Variants in SLX4IP observed in about 807,000 individuals in gnomAD.
SLX4IP encodes SLX4 interacting protein, also known as protein SLX4IP.
In SLX4IP, 34 loss-of-function variants were observed where a neutral mutation model predicts 32.9. The ratio of observed to expected loss-of-function variants is 1.03; its 90% CI spans 0.79 to 1.38. The LOEUF is 1.38. Among genes scored for constraint, SLX4IP ranks in the 40% most tolerant of loss-of-function variants. The probability of loss-of-function intolerance (pLI) is 0.00; values close to 1 mark genes in which losing one functional copy is unlikely to be tolerated. For synonymous variants in SLX4IP, 172 were observed against 171.7 expected, an observed-to-expected ratio of 1.00 and a Z score of -0.01; for missense variants, 444 against 479.0, an observed-to-expected ratio of 0.93 and a Z score of 0.68.
At chr20:10,619,777 G>A (rs532522916) in intron 6 of SLX4IP, among the ~76,000 whole-genome samples, 2 of 152,150 alleles carry the variant, frequency 1.3e-5, no homozygotes, top group Admixed American at 6.5e-5. Context: ...CATAAATCTC[G>A]ATTCCTCTCG....
intron 6 of SLX4IP, among the ~76,000 whole-genome samples, chr20:10,610,724 A>G (rs866050375): frequency 6.6e-6 from 1 of 152,232 alleles, no homozygotes; most frequent in Admixed American, 6.5e-5. Context: ...ATGCGATGCC[A>G]CTTTTCATTT....
chr20:10,531,049 G>A (rs755475405), intron 2 of SLX4IP, among the ~76,000 whole-genome samples: 2 of 152,186 alleles, frequency 1.3e-5, no homozygotes, highest in Non-Finnish European at 2.9e-5. Flanking sequence ...ACTGCACATG[G>A]ATAGTCCACT....
At chr20:10,534,520 C>T (rs764986518) in intron 2 of SLX4IP, among the ~76,000 whole-genome samples, 2 of 152,102 alleles carry the variant, frequency 1.3e-5, no homozygotes, top group African/African-American at 4.8e-5. Context: ...AGAAGGTTTC[C>T]GTAAAGAAGG....
chr20:10,507,017 G>A (rs376509027), intron 2 of SLX4IP, among the ~76,000 whole-genome samples: 94 of 152,290 alleles, frequency 6.2e-4, no homozygotes, highest in African/African-American at 2.1e-3. Context: ...CACATTTTGT[G>A]TGTGGTGGGG....
intron 2 of SLX4IP, among the ~76,000 whole-genome samples, chr20:10,548,229 C>T (rs1266188353): frequency 2.6e-5 from 4 of 151,966 alleles, no homozygotes; most frequent in Non-Finnish European, 1.5e-5. Context: ...CATCAAAGGG[C>T]TTTCTCCAGG....
chr20:10,569,010 G>A (rs889631688), intron 4 of SLX4IP, among the ~76,000 whole-genome samples: 3 of 152,080 alleles, frequency 2.0e-5, no homozygotes, highest in Non-Finnish European at 4.4e-5. Flanking sequence ...AGTAATCTCT[G>A]TTGATCCCAC....
chr20:10,540,689 G>T (rs2066097007), intron 2 of SLX4IP, among the ~76,000 whole-genome samples: 2 of 152,298 alleles, frequency 1.3e-5, no homozygotes, highest in South Asian at 2.1e-4. Context: ...CTTGAAGAGG[G>T]TGTTATTCCC....
rs553568804 is a variant in SLX4IP at position 10,606,083 on chromosome 20, A to G, written c.405+4264A>G. On this transcript the variant is annotated intron_variant, in intron 6 of 7. Coordinates refer to ENST00000334534, the MANE Select transcript of SLX4IP (RefSeq NM_001009608.3). ...AATTATCTCAAAAATCTTTTCTCAC[A>G]TGGGATTTCTATTGGAGGAAGCAAA... 7.9e-5 allele frequency among the ~76,000 whole-genome samples: 12 copies of G among 152,274 alleles called. No homozygotes were observed. The East Asian group carries it at 1.5e-3, about 20-fold the overall frequency.
In SLX4IP at chr20:10,524,677, G is replaced by A. The variant is rs955242290; in HGVS notation, c.28-31554G>A. Among the ~76,000 whole-genome samples, 4 of 152,338 alleles carry A rather than the reference G, an allele frequency of 2.6e-5. No homozygotes were observed. In the South Asian group the frequency reaches 8.3e-4, roughly 32 times the overall value. On this transcript the variant is annotated intron_variant, in intron 2 of 7. Coordinates refer to ENST00000334534, the MANE Select transcript of SLX4IP (RefSeq NM_001009608.3). ...GTGGAGCTACAAAAGTATTAGCTGA[G>A]TGTTGTATGTACAGAAGTCAGCACA... is the stretch of plus-strand genomic sequence containing the variant.
At chr20:10,478,195 G>A (rs1350677566) in intron 2 of SLX4IP, among the ~76,000 whole-genome samples, 2 of 152,148 alleles carry the variant, frequency 1.3e-5, no homozygotes, top group Admixed American at 6.5e-5. Flanking sequence ...CACCGCGCCC[G>A]GCCAAGCTCT....
At chr20:10,480,174 C>CAGGAG (rs1298954350) in intron 2 of SLX4IP, among the ~76,000 whole-genome samples, 3 of 152,164 alleles carry the variant, frequency 2.0e-5, no homozygotes, top group Non-Finnish European at 4.4e-5. Flanking sequence ...GGGCAGAACG[C>CAGGAG]TTGAACCCAG....
intron 7 of SLX4IP, 142 bp from the exon 8 acceptor site, chr20:10,622,517 T>A (rs74619291): frequency 0.056 from 63,876 of 1,134,870 alleles, 2,213 homozygotes; most frequent in South Asian, 0.12. Flanking sequence ...TGGTGGGGAG[T>A]GTTTCCAGAT....
chr20:10,523,663 A>G (rs937356987), intron 2 of SLX4IP, among the ~76,000 whole-genome samples: 3 of 152,252 alleles, frequency 2.0e-5, no homozygotes, highest in African/African-American at 7.2e-5. Flanking sequence ...CCCGGCACCA[A>G]ACACCCAGTG....
At chr20:10,489,318 A>G (rs2327283) in intron 2 of SLX4IP, among the ~76,000 whole-genome samples, 34,610 of 151,626 alleles carry the variant, frequency 0.23, 4,148 homozygotes, top group South Asian at 0.4. Context: ...GGAAACCACC[A>G]CCCCCCTCTT....
rs527963845 is a variant in SLX4IP at position 10,551,771 on chromosome 20, G to A, written c.28-4460G>A. 3.3e-5 allele frequency among the ~76,000 whole-genome samples: 5 copies of A among 152,346 alleles called. No homozygotes were observed. In the South Asian group the frequency reaches 1.0e-3, roughly 32 times the overall value. On this transcript the variant is annotated intron_variant, in intron 2 of 7. Transcript: ENST00000334534. The stretch of plus-strand genomic sequence containing the variant: ...TAGGATCTCAACAAGCATGGAAGCA[G>A]CGAGGCAAGTTGTAATGTAAGCCAA...
intron 7 of SLX4IP, 51 bp downstream of exon 7, chr20:10,621,465 G>C: frequency 1.3e-6 from 2 of 1,496,138 alleles, no homozygotes; most frequent in Non-Finnish European, 1.9e-6. Flanking sequence ...TCTATGTATG[G>C]ATAGATAACA....
In SLX4IP at chr20:10,600,051, T is replaced by TG. The variant is rs560083563; in HGVS notation, c.316+1299_316+1300insG. Among the ~76,000 whole-genome samples the TG allele has an allele frequency of 5.2e-3, 783 of 151,210 alleles. 8 individuals carry two copies. The highest frequency in any genetic ancestry group is 0.017 in the African/African-American group (679 of 41,104). On this transcript the variant is annotated intron_variant, in intron 5 of 7. Coordinates refer to ENST00000334534, the MANE Select transcript of SLX4IP (RefSeq NM_001009608.3). ...TTGTATTTCAATTTTATGATTTTTT[T>TG]AGGGGGGGGAGGTGGAAAAATAATG...
intron 6 of SLX4IP, among the ~76,000 whole-genome samples, chr20:10,619,668 T>G (rs2067084315): frequency 6.6e-6 from 1 of 152,186 alleles, no homozygotes; most frequent in South Asian, 2.1e-4. Context: ...TCATGCTCCT[T>G]ATGTTAATTG....
intron 2 of SLX4IP, among the ~76,000 whole-genome samples, chr20:10,533,620 T>C (rs77761693): frequency 3.0e-5 from 1 of 33,144 alleles, no homozygotes; most frequent in Non-Finnish European, 9.9e-5. Flanking sequence ...TCTTGGCCTT[T>C]TTTTTTTTTT....
Sources: gnomAD v4.1 joint callset for allele counts (sites outside exome capture counted in the v4.1 genomes callset) on GRCh38, gnomAD v4.1.1 for gene constraint, MANE v1.5 for transcripts, NCBI Gene and HGNC (gene_info 2026-07-23, HGNC 2026-07-21) for gene names.